Variants in ABHD17B observed in about 807,000 individuals in gnomAD.
ABHD17B encodes the protein alpha/beta hydrolase domain-containing protein 17B.
A neutral mutation model predicts 26.2 loss-of-function variants in ABHD17B; 9 were observed. The ratio of observed to expected loss-of-function variants is 0.34; its 90% CI spans 0.21 to 0.60. The LOEUF (loss-of-function observed/expected upper bound fraction) is 0.60, where lower values mean the gene tolerates loss of function less well. Ranked by LOEUF, ABHD17B falls within the 20% of genes least tolerant of loss-of-function variation. The pLI, the probability that ABHD17B is intolerant of heterozygous loss-of-function variation, is 0.80. For missense variants in ABHD17B, 224 were observed against 352.1 expected (o/e 0.64, Z 2.91); for synonymous variants, 127 against 122.3 (o/e 1.04, Z -0.25).
chr9:71,871,751 A>G (rs1471845350), intron 2 of ABHD17B, among the ~76,000 whole-genome samples: 1 of 152,214 alleles, frequency 6.6e-6, no homozygotes, highest in Non-Finnish European at 1.5e-5. Context: ...AGATCTTCAA[A>G]GTCACCAGTA....
At chr9:71,872,863 C>A (rs1259722533) in intron 2 of ABHD17B, among the ~76,000 whole-genome samples, 1 of 151,972 alleles carries the variant, frequency 6.6e-6, no homozygotes, top group Non-Finnish European at 1.5e-5. Context: ...CTACTACTTG[C>A]CATCTTTTTT....
At position 71,866,582 on chromosome 9, in the gene ABHD17B, C is replaced by A; in HGVS notation, c.*205G>T. 1 of 1,370,458 alleles carries A rather than the reference C, an allele frequency of 7.3e-7. No homozygotes were observed. The highest frequency in any genetic ancestry group is 9.4e-7 in the Non-Finnish European group (1 of 1,064,314). 84.9% of individuals were successfully genotyped at this position (1,370,458 alleles called of 1,614,324 possible). A position where few individuals can be genotyped will look rare whatever the true frequency, so the allele number is the denominator to read the frequency against. On this transcript the variant is annotated 3_prime_UTR_variant, in exon 4 of 4. Coordinates refer to ENST00000333421, the MANE Select transcript of ABHD17B (RefSeq NM_001025780.3). ...AAATTCACAGAAAAAATATAAATTA[C>A]ACAGCCTGACTGCACGGTACTGTTA...
Position 71,865,704 on chromosome 9 carries a change from T to A in ABHD17B, c.*1083A>T, listed in dbSNP as rs2094866781. 1 of 638,230 alleles carries A rather than the reference T, an allele frequency of 1.6e-6. No individual in the cohort carries two copies. Among genetic ancestry groups the A allele is most frequent in the Non-Finnish European group, 1.9e-6 (1 of 513,436 alleles). 39.5% of individuals were successfully genotyped at this position (638,230 alleles called of 1,614,324 possible). A position where few individuals can be genotyped will look rare whatever the true frequency, so the allele number is the denominator to read the frequency against. On this transcript the variant is annotated 3_prime_UTR_variant, in exon 4 of 4. Transcript: ENST00000333421. The stretch of plus-strand genomic sequence containing the variant: ...GGCAAAACCCTGTCTCTACTAAAAA[T>A]ACAAAAATTAGCCAGGCGTGGTGGC...
intron 1 of ABHD17B, among the ~76,000 whole-genome samples, chr9:71,901,052 T>C (rs1827122951): frequency 1.3e-5 from 2 of 152,050 alleles, no homozygotes; most frequent in African/African-American, 4.8e-5. Context: ...CTCAGGAGGC[T>C]GAGGCAAGAG....
rs1407039562 is a variant in ABHD17B at position 71,866,508 on chromosome 9, A to G, written c.*279T>C. On this transcript the variant is annotated 3_prime_UTR_variant, in exon 4 of 4. Coordinates refer to ENST00000333421, the MANE Select transcript of ABHD17B (RefSeq NM_001025780.3). ...TTTGGCAATACTTTTACAGCATTTGATTTTATAGAATTAAAATCTCATACA... is the reference window on the plus strand; with the variant it reads ...TTTGGCAATACTTTTACAGCATTTGGTTTTATAGAATTAAAATCTCATACA... 8.9e-7 allele frequency: 1 copy of G among 1,129,264 alleles called. No homozygotes were observed. The highest frequency in any genetic ancestry group is 1.1e-6 in the Non-Finnish European group (1 of 920,502). 70.0% of individuals were successfully genotyped at this position (1,129,264 alleles called of 1,614,324 possible).
At chr9:71,898,479 A>C (rs956874752) in intron 1 of ABHD17B, among the ~76,000 whole-genome samples, 1 of 151,686 alleles carries the variant, frequency 6.6e-6, no homozygotes, top group Non-Finnish European at 1.5e-5. Flanking sequence ...TAAAAAAAAA[A>C]AAAAAAAAAA....
At chr9:71,883,057 C>T (rs929932679) in intron 1 of ABHD17B, among the ~76,000 whole-genome samples, 3 of 151,376 alleles carry the variant, frequency 2.0e-5, no homozygotes, top group South Asian at 4.2e-4. Flanking sequence ...GCAGGAGAAT[C>T]GTTTGAACCT....
intron 1 of ABHD17B, among the ~76,000 whole-genome samples, chr9:71,886,233 G>A (rs1826604448): frequency 6.6e-6 from 1 of 152,108 alleles, no homozygotes; most frequent in African/African-American, 2.4e-5. Context: ...ACAGAGTTTA[G>A]TACATACAGA....
At chr9:71,907,805 G>T (rs112676247) in intron 1 of ABHD17B, among the ~76,000 whole-genome samples, 1 of 152,100 alleles carries the variant, frequency 6.6e-6, no homozygotes, top group African/African-American at 2.4e-5. Context: ...GTGAGCCACC[G>T]AGCCTGGCCG....
chr9:71,876,740 C>T (rs1009261699), intron 1 of ABHD17B, among the ~76,000 whole-genome samples: 7 of 152,042 alleles, frequency 4.6e-5, no homozygotes, highest in African/African-American at 1.7e-4. Context: ...CCTTTTCACT[C>T]AATACAGAAT....
At chr9:71,863,657 T>C (rs953566371), downstream of ABHD17B, among the ~76,000 whole-genome samples, 4 of 152,238 alleles carry the variant, frequency 2.6e-5, no homozygotes, top group Non-Finnish European at 4.4e-5. Context: ...TACTCATTAA[T>C]GCTTAGGAAG....
chr9:71,887,012 T>C (rs1486312505), intron 1 of ABHD17B, among the ~76,000 whole-genome samples: 1 of 152,156 alleles, frequency 6.6e-6, no homozygotes, highest in Non-Finnish European at 1.5e-5. Flanking sequence ...ATATAGAGTG[T>C]AACAGTGCCA....
chr9:71,907,929 T>C (rs138061064), intron 1 of ABHD17B, among the ~76,000 whole-genome samples: 48 of 152,342 alleles, frequency 3.2e-4, no homozygotes, highest in South Asian at 1.0e-3. Flanking sequence ...CTCACTTCAC[T>C]TGGACAAAAC....
In ABHD17B at chr9:71,893,853, G is replaced by T. The variant is rs1013626600; in HGVS notation, c.-4+16781C>A. Among the ~76,000 whole-genome samples, 4 of 152,272 alleles carry T rather than the reference G, an allele frequency of 2.6e-5. No individual in the cohort carries two copies. The East Asian group carries it at 7.7e-4, about 29-fold the overall frequency. On this transcript the variant is annotated intron_variant, in intron 1 of 3. Transcript: ENST00000333421. ...GCCTGTAATCCCAGCACTTTGGTAGGCCAAGGCGGGTGGATCACAAGGTCA... is the reference window on the plus strand; with the variant it reads ...GCCTGTAATCCCAGCACTTTGGTAGTCCAAGGCGGGTGGATCACAAGGTCA...
At chr9:71,896,173 A>T (rs753230733) in intron 1 of ABHD17B, among the ~76,000 whole-genome samples, 27 of 152,186 alleles carry the variant, frequency 1.8e-4, no homozygotes, top group Non-Finnish European at 3.2e-4. Flanking sequence ...AAATAAACCA[A>T]GCTGAATCTT....
At chr9:71,904,415 C>A (rs58137336) in intron 1 of ABHD17B, among the ~76,000 whole-genome samples, 1 of 151,998 alleles carries the variant, frequency 6.6e-6, no homozygotes, top group African/African-American at 2.4e-5. Context: ...ACTAGGAAAA[C>A]AAAGAAGTTT....
intron 1 of ABHD17B, among the ~76,000 whole-genome samples, chr9:71,885,460 CAA>C (rs35660801): frequency 9.7e-5 from 12 of 123,948 alleles, no homozygotes; most frequent in Non-Finnish European, 6.5e-5. Flanking sequence ...ACTCTGTCTC[CAA>C]AAAAAAAAAA....
At chr9:71,893,970 G>C (rs554614092) in intron 1 of ABHD17B, among the ~76,000 whole-genome samples, 20 of 151,764 alleles carry the variant, frequency 1.3e-4, no homozygotes, top group African/African-American at 3.9e-4. Flanking sequence ...GGCACCTGTA[G>C]TCCCAGCTAC....
intron 1 of ABHD17B, among the ~76,000 whole-genome samples, chr9:71,898,923 G>A (rs1352258756): frequency 6.6e-6 from 1 of 152,062 alleles, no homozygotes; most frequent in Non-Finnish European, 1.5e-5. Flanking sequence ...AGGAGTTTCA[G>A]AGCAAGCCTG....
Sources: gnomAD v4.1 joint callset for allele counts (sites outside exome capture counted in the v4.1 genomes callset) on GRCh38, gnomAD v4.1.1 for gene constraint, MANE v1.5 for transcripts, NCBI Gene and HGNC (gene_info 2026-07-23, HGNC 2026-07-21) for gene names.